The following SLC35F4 variants were observed in gnomAD, a reference collection of about 807,000 sequenced individuals.
SLC35F4 encodes solute carrier family 35 member F4, also known as chromosome 14 open reading frame 36.
A neutral mutation model predicts 44.2 loss-of-function variants in SLC35F4; 24 were observed. The observed-to-expected ratio is 0.54, with a 90% confidence interval of 0.39 to 0.76. SLC35F4 has a LOEUF of 0.76. Ranked by LOEUF, SLC35F4 falls within the 30% of genes least tolerant of loss-of-function variation. The probability of loss-of-function intolerance (pLI) is 0.00; values close to 1 mark genes in which losing one functional copy is unlikely to be tolerated. For synonymous variants in SLC35F4, 238 were observed against 223.6 expected (o/e 1.06, Z -0.57); for missense variants, 562 against 586.1 (o/e 0.96, Z 0.42).
intron 3 of SLC35F4, among the ~76,000 whole-genome samples, chr14:57,583,483 T>A (rs544429251): frequency 6.6e-6 from 1 of 152,332 alleles, no homozygotes; most frequent in East Asian, 1.9e-4. Context: ...AACCAAGAGC[T>A]GGGAGGAGTG....
chr14:57,779,885 C>T lies in SLC35F4; in HGVS notation c.103+85838G>A, dbSNP rs546105665. On this transcript the variant is annotated intron_variant, in intron 1 of 7. Coordinates refer to ENST00000556826, the MANE Select transcript of SLC35F4 (RefSeq NM_001306087.2). ...AAAGCTTTCAATAAAACTCAACACC[C>T]CTTCGTATTAAAAACTCTCGACAAA... 4.1e-4 allele frequency among the ~76,000 whole-genome samples: 62 copies of T among 152,180 alleles called. 1 individual carries two copies. The highest frequency in any genetic ancestry group is 7.2e-4 in the Admixed American group (11 of 15,270).
chr14:57,807,685 A>T (rs1881488208), intron 1 of SLC35F4, among the ~76,000 whole-genome samples: 1 of 151,954 alleles, frequency 6.6e-6, no homozygotes, highest in Non-Finnish European at 1.5e-5. Flanking sequence ...AAATTTGCTT[A>T]CCAACATCAC....
rs145393717 is a variant in SLC35F4 at position 57,929,966 on chromosome 14, T to C, written n.282+51947A>G. On this transcript the variant is annotated intron_variant and non_coding_transcript_variant, in intron 1 of 1. Transcript: ENST00000556568. ...CTTTTAGGAAGAACCCCTAGCAACC[T>C]ACTTTTCTTAGACTTTTCAGAGAGA... 4.9e-3 allele frequency among the ~76,000 whole-genome samples: 742 copies of C among 152,266 alleles called. 2 individuals carry two copies. Among genetic ancestry groups the C allele is most frequent in the African/African-American group, 0.016 (681 of 41,536 alleles).
chr14:57,611,915 G>A (rs548702612), intron 1 of SLC35F4, among the ~76,000 whole-genome samples: 2 of 152,310 alleles, frequency 1.3e-5, no homozygotes, highest in South Asian at 4.1e-4. Flanking sequence ...AGGCAACTGA[G>A]CTCAGATGTT....
intron 1 of SLC35F4, among the ~76,000 whole-genome samples, chr14:57,600,921 A>C (rs2070790268): frequency 6.6e-6 from 1 of 151,956 alleles, no homozygotes; most frequent in Non-Finnish European, 1.5e-5. Context: ...TTAGGTAAAC[A>C]TATAGCCTTG....
chr14:57,770,121 G>T (rs929492140), intron 1 of SLC35F4, among the ~76,000 whole-genome samples: 7 of 152,110 alleles, frequency 4.6e-5, no homozygotes, highest in African/African-American at 1.7e-4. Context: ...GACTCCTCTG[G>T]ATCAGTGAGA....
intron 1 of SLC35F4, among the ~76,000 whole-genome samples, chr14:57,832,867 AT>A (rs760013247): frequency 1.1e-4 from 16 of 152,198 alleles, no homozygotes; most frequent in Non-Finnish European, 2.2e-4. Flanking sequence ...ATTACAGTAA[AT>A]TTGCCCTTGA....
At chr14:57,840,035 T>C (rs1158502964) in intron 1 of SLC35F4, among the ~76,000 whole-genome samples, 1 of 152,222 alleles carries the variant, frequency 6.6e-6, no homozygotes, top group African/African-American at 2.4e-5. Flanking sequence ...TACATTTTAT[T>C]GAGTGCCTAC....
At chr14:57,741,337 CT>C (rs1245799624) in intron 1 of SLC35F4, among the ~76,000 whole-genome samples, 1 of 152,012 alleles carries the variant, frequency 6.6e-6, no homozygotes, top group Non-Finnish European at 1.5e-5. Context: ...AGCTAAAAAC[CT>C]TGAAAAAAGA....
At position 57,606,055 on chromosome 14, in the gene SLC35F4, T is replaced by C. The variant is rs150108881; in HGVS notation, c.104-11931A>G. ...GACGGATTCATTTGTTCTTCAAACC[T>C]CAGCATCGTGCTATATACCTTTATA... On this transcript the variant is annotated intron_variant, in intron 1 of 7. Coordinates refer to ENST00000556826, the MANE Select transcript of SLC35F4 (RefSeq NM_001306087.2). Among the ~76,000 whole-genome samples the C allele has an allele frequency of 2.6e-3, 395 of 152,246 alleles. 1 individual carries two copies. The highest frequency in any genetic ancestry group is 8.7e-3 in the African/African-American group (360 of 41,544).
chr14:57,668,646 T>C (rs969268608), intron 1 of SLC35F4, among the ~76,000 whole-genome samples: 1 of 152,106 alleles, frequency 6.6e-6, no homozygotes, highest in Non-Finnish European at 1.5e-5. Flanking sequence ...GTTGTAGATA[T>C]GTGGCATTAT....
intron 1 of SLC35F4, among the ~76,000 whole-genome samples, chr14:57,751,912 TTCTCTC>T (rs3062974): frequency 2.7e-4 from 41 of 149,250 alleles, no homozygotes; most frequent in South Asian, 8.6e-4. Context: ...TAAAAAACAT[TTCTCTC>T]TCTCTCTCTC....
chr14:57,884,190 T>C (rs1595267245), intron 1 of SLC35F4, among the ~76,000 whole-genome samples: 1 of 152,308 alleles, frequency 6.6e-6, no homozygotes. Context: ...ATAACTCTTC[T>C]AGACACTTCT....
At chr14:57,596,418 A>G (rs1381707036) in intron 1 of SLC35F4, 3 of 264,488 alleles carry the variant, frequency 1.1e-5, no homozygotes, top group Admixed American at 5.1e-5. Context: ...ATAAAAACGG[A>G]CTGTCTGAAA....
chr14:57,955,889 C>A (rs1384338872), intron 1 of SLC35F4, among the ~76,000 whole-genome samples: 1 of 152,080 alleles, frequency 6.6e-6, no homozygotes, highest in African/African-American at 2.4e-5. Flanking sequence ...AGATTCAATG[C>A]TATACTCATC....
At chr14:57,770,695 C>T (rs181801599) in intron 1 of SLC35F4, among the ~76,000 whole-genome samples, 201 of 152,170 alleles carry the variant, frequency 1.3e-3, no homozygotes, top group Non-Finnish European at 2.4e-3. Context: ...TTGTGATTTG[C>T]AAGGATTTTC....
chr14:57,588,995 A>G (rs1236085631), intron 3 of SLC35F4, among the ~76,000 whole-genome samples: 3 of 152,198 alleles, frequency 2.0e-5, no homozygotes, highest in African/African-American at 2.4e-5. Context: ...ACCGGTCATA[A>G]TAAGTTATGC....
intron 1 of SLC35F4, among the ~76,000 whole-genome samples, chr14:57,776,691 T>TAAAAAAAAAA (rs2077498893): frequency 7.9e-6 from 1 of 126,578 alleles, no homozygotes; most frequent in African/African-American, 3.1e-5. Flanking sequence ...AAAAAAAAAT[T>TAAAAAAAAAA]AAAGGCAGCT....
At position 57,681,560 on chromosome 14, in the gene SLC35F4, A is replaced by G. The variant is rs894692430; in HGVS notation, c.104-87436T>C. On this transcript the variant is annotated intron_variant, in intron 1 of 7. Transcript: ENST00000556826. Reference sequence around the variant, plus strand: ...AAAACCATAAAAACTCTAGAAGAAAACCTAGGGCATACCATTCAGGACACT... The same window carrying G: ...AAAACCATAAAAACTCTAGAAGAAAGCCTAGGGCATACCATTCAGGACACT... 9.9e-5 allele frequency among the ~76,000 whole-genome samples: 15 copies of G among 152,112 alleles called. 1 individual carries two copies. The highest frequency in any genetic ancestry group is 2.1e-4 in the Non-Finnish European group (14 of 68,040).
Sources: gnomAD v4.1 joint callset for allele counts (sites outside exome capture counted in the v4.1 genomes callset) on GRCh38, gnomAD v4.1.1 for gene constraint, MANE v1.5 for transcripts, NCBI Gene and HGNC (gene_info 2026-07-23, HGNC 2026-07-21) for gene names.